SPSB4: variants seen among roughly 807,000 people sequenced by gnomAD.
SPSB4 encodes splA/ryanodine receptor domain and SOCS box containing 4.
SPSB4 carries 21 observed loss-of-function variants against 20.9 expected under a neutral mutation model. That is an observed-to-expected ratio of 1.01 (90% CI 0.71 to 1.45). SPSB4 has a LOEUF of 1.45. SPSB4 is among the 40% of genes most tolerant of loss of function. SPSB4 has a pLI of 0.00. For missense variants in SPSB4, 399 were observed against 399.2 expected (o/e 1.00, Z 0.00); for synonymous variants, 207 against 183.8 (o/e 1.13, Z -1.02).
intron 2 of SPSB4, among the ~76,000 whole-genome samples, chr3:141,083,929 G>C (rs958202346): frequency 6.6e-6 from 1 of 152,074 alleles, no homozygotes; most frequent in African/African-American, 2.4e-5. Context: ...GGCCCTGCAG[G>C]GTAGAGGGGA....
chr3:141,055,424 G>A (rs1201196481), intron 1 of SPSB4, among the ~76,000 whole-genome samples: 1 of 152,138 alleles, frequency 6.6e-6, no homozygotes, highest in Non-Finnish European at 1.5e-5. Flanking sequence ...CAGTGTGGAA[G>A]AAATAAGAGC....
chr3:141,066,661 G>T lies in SPSB4; in HGVS notation c.557G>T (p.Gly186Val), dbSNP rs1433511290. Residue 186 changes from glycine to valine, a missense_variant, in exon 2 of 3, where the codon GGC becomes GTC. Physicochemically the swap from Gly to Val is moderately radical, Grantham distance 109 (BLOSUM62 -3). Transcript: ENST00000310546. Reference sequence around the variant, plus strand: ...CTCGTGGTGCTGGACATGGATGAGGGCACACTCAGCTTCATCGTGGATGGC... The same window carrying T: ...CTCGTGGTGCTGGACATGGATGAGGTCACACTCAGCTTCATCGTGGATGGC... ...SLLVVLDMDE[G>V]TLSFIVDGQY... 7 of 1,613,076 alleles carry T rather than the reference G, an allele frequency of 4.3e-6. No homozygotes were observed. The highest frequency in any genetic ancestry group is 8.5e-7 in the Non-Finnish European group (1 of 1,179,774).
At chr3:141,073,410 A>G (rs72980162) in intron 2 of SPSB4, among the ~76,000 whole-genome samples, 4,319 of 152,318 alleles carry the variant, frequency 0.028, 201 homozygotes, top group African/African-American at 0.092. Flanking sequence ...ATTTGATATT[A>G]AGGAGGCTTC....
rs1191927878 is a variant in SPSB4, at chr3:141,134,042, TTTTTTTC to T, written c.695-13086_695-13080del. Among the ~76,000 whole-genome samples, 977 of 136,474 alleles carry T rather than the reference TTTTTTTC, an allele frequency of 7.2e-3. 5 individuals carry two copies. The highest frequency in any genetic ancestry group is 0.012 in the Non-Finnish European group (773 of 64,150). 89.5% of individuals were successfully genotyped at this position (136,474 alleles called of 152,430 possible). A position where few individuals can be genotyped will look rare whatever the true frequency, so the allele number is the denominator to read the frequency against. ...CCTTTTTTTTTTTCTTTTCTTTTTT[TTTTTTTC>T]TTTTTTCTTTTTTTTTTTTTTTTTT... On this transcript the variant is annotated intron_variant, in intron 2 of 2. Coordinates refer to ENST00000310546, the MANE Select transcript of SPSB4 (RefSeq NM_080862.3).
At chr3:141,089,474 T>A (rs1248526069) in intron 2 of SPSB4, among the ~76,000 whole-genome samples, 2 of 151,922 alleles carry the variant, frequency 1.3e-5, no homozygotes, top group African/African-American at 2.4e-5. Flanking sequence ...ATTTGCCTAG[T>A]GGAGTAGAGC....
At chr3:141,142,773 C>T (rs1475378228) in intron 2 of SPSB4, among the ~76,000 whole-genome samples, 2 of 130,254 alleles carry the variant, frequency 1.5e-5, no homozygotes, top group African/African-American at 5.6e-5. Context: ...TGGAGTGATC[C>T]TTTCATTATG....
At chr3:141,141,920 T>C (rs1446217085) in intron 2 of SPSB4, among the ~76,000 whole-genome samples, 1 of 152,206 alleles carries the variant, frequency 6.6e-6, no homozygotes, top group African/African-American at 2.4e-5. Context: ...ATTGAACTTA[T>C]TTGGATCTTC....
At chr3:141,072,654 C>T (rs1473019639) in intron 2 of SPSB4, among the ~76,000 whole-genome samples, 1 of 152,178 alleles carries the variant, frequency 6.6e-6, no homozygotes, top group Admixed American at 6.5e-5. Flanking sequence ...GCCAAATAAA[C>T]CTTGTTTCTT....
rs1937868649 is a variant in SPSB4 at position 141,066,217 on chromosome 3, AC to A, written c.115del (p.Gln39SerfsTer76). On this transcript the variant is annotated frameshift_variant, in exon 2 of 3. Coordinates refer to ENST00000310546, the MANE Select transcript of SPSB4 (RefSeq NM_080862.3). LOFTEE classifies it high-confidence loss of function. ...GAGCCCGGGCGGCCGGCGCGGCTGGACCAGCTGTTGGACATGCCAGCGGCGG... is the reference window on the plus strand; with the variant it reads ...GAGCCCGGGCGGCCGGCGCGGCTGGACAGCTGTTGGACATGCCAGCGGCGG... ...GAEPGRPARLDQLLDMPAAGL... is the reference protein window; with the variant it reads ...GAEPGRPARLXQLLDMPAAGL... The A allele has an allele frequency of 6.5e-7, 1 of 1,547,448 alleles. No individual in the cohort carries two copies. Among genetic ancestry groups the A allele is most frequent in the Non-Finnish European group, 8.7e-7 (1 of 1,148,818 alleles).
chr3:141,109,785 TTCCA>T (rs1938763106), intron 2 of SPSB4, among the ~76,000 whole-genome samples: 1 of 152,102 alleles, frequency 6.6e-6, no homozygotes, highest in Admixed American at 6.5e-5. Context: ...AAAAGCGGCC[TTCCA>T]GGTATTTTAT....
intron 2 of SPSB4, among the ~76,000 whole-genome samples, chr3:141,138,022 G>T (rs930972007): frequency 6.6e-6 from 1 of 152,110 alleles, no homozygotes; most frequent in Non-Finnish European, 1.5e-5. Flanking sequence ...GCCTGTTATT[G>T]GTCTATTCAG....
At position 141,116,278 on chromosome 3, in the gene SPSB4, C is replaced by T. The variant is rs546174775; in HGVS notation, c.695-30864C>T. On this transcript the variant is annotated intron_variant, in intron 2 of 2. Coordinates refer to ENST00000310546, the MANE Select transcript of SPSB4 (RefSeq NM_080862.3). ...GTGGAGTCCATGTCAGCTCCCTTTC[C>T]CTTTCCAAATTCTTCAGGCCAAATC... 3.3e-5 allele frequency among the ~76,000 whole-genome samples: 5 copies of T among 152,274 alleles called. No individual in the cohort carries two copies. In the East Asian group the frequency reaches 9.6e-4, roughly 29 times the overall value.
Position 141,147,789 on chromosome 3 carries a change from CTG to C in SPSB4, c.*523_*524del, listed in dbSNP as rs1262066813. 1 of 158,194 alleles carries C rather than the reference CTG, an allele frequency of 6.3e-6. No homozygotes were observed. Among genetic ancestry groups the C allele is most frequent in the Non-Finnish European group, 1.4e-5 (1 of 70,946 alleles). The allele number at this position is 158,194 out of a possible 1,614,324, so 9.8% of individuals were successfully genotyped here. On this transcript the variant is annotated 3_prime_UTR_variant, in exon 3 of 3. Coordinates refer to ENST00000310546, the MANE Select transcript of SPSB4 (RefSeq NM_080862.3). ...AGGATTGTCACACCGTTTTAGGACT[CTG>C]TGCCACTTTGAGAGACTGTTCCCAG...
intron 2 of SPSB4, among the ~76,000 whole-genome samples, chr3:141,088,670 C>T (rs1938395352): frequency 6.6e-6 from 1 of 152,228 alleles, no homozygotes; most frequent in Non-Finnish European, 1.5e-5. Flanking sequence ...GCTCCCCAGC[C>T]TCCAGGGAGA....
intron 2 of SPSB4, among the ~76,000 whole-genome samples, chr3:141,117,727 C>T (rs2107800301): frequency 6.6e-6 from 1 of 152,334 alleles, no homozygotes; most frequent in East Asian, 1.9e-4. Flanking sequence ...TTGTTCAACT[C>T]CCACTTATGA....
intron 2 of SPSB4, among the ~76,000 whole-genome samples, chr3:141,086,445 G>A (rs1349467594): frequency 5.3e-5 from 8 of 152,210 alleles, no homozygotes; most frequent in Admixed American, 5.2e-4. Flanking sequence ...GTAAAATGGA[G>A]ATGATGATAA....
intron 1 of SPSB4, among the ~76,000 whole-genome samples, chr3:141,062,994 A>G (rs1937794183): frequency 1.3e-5 from 2 of 152,172 alleles, no homozygotes; most frequent in South Asian, 4.1e-4. Flanking sequence ...CATGCCTCTG[A>G]TGTGTGTCTG....
intron 2 of SPSB4, among the ~76,000 whole-genome samples, chr3:141,071,463 G>T (rs559996590): frequency 3.1e-4 from 45 of 146,906 alleles, no homozygotes; most frequent in African/African-American, 1.1e-3. Context: ...CTGTGCCCTG[G>T]GCTTAGGATT....
At position 141,066,859 on chromosome 3, in the gene SPSB4, G is replaced by A. The variant is rs536715213; in HGVS notation, c.694+61G>A. On this transcript the variant is annotated intron_variant, in intron 2 of 2. Coordinates refer to ENST00000310546, the MANE Select transcript of SPSB4 (RefSeq NM_080862.3). ...AGGCTGCCAGGCCCTAGGGAAGCTG[G>A]GCAGGCCACACCTCCATCGCCACTT... is the stretch of plus-strand genomic sequence containing the variant. The A allele has an allele frequency of 4.1e-6, 6 of 1,459,566 alleles. No individual in the cohort carries two copies. The African/African-American group carries it at 8.5e-5, about 21-fold the overall frequency. 90.4% of individuals were successfully genotyped at this position (1,459,566 alleles called of 1,614,324 possible).
Sources: allele counts gnomAD v4.1 joint callset (sites outside exome capture counted in the v4.1 genomes callset), GRCh38; gene constraint gnomAD v4.1.1; transcripts MANE v1.5; gene names NCBI Gene and HGNC (gene_info 2026-07-23, HGNC 2026-07-21).